The following MYEF2 variants were observed in gnomAD, a reference collection of about 807,000 sequenced individuals.
MYEF2 encodes the protein myelin gene expression factor 2.
In MYEF2, 37 loss-of-function variants were observed where a neutral mutation model predicts 75.2. The ratio of observed to expected loss-of-function variants is 0.49; its 90% CI spans 0.38 to 0.65. The LOEUF is 0.65. MYEF2 is among the 30% of genes least tolerant of loss of function. The pLI, the probability that MYEF2 is intolerant of heterozygous loss-of-function variation, is 0.00. For missense variants in MYEF2, 634 were observed against 771.4 expected (o/e 0.82, Z 2.11); for synonymous variants, 195 against 241.6 (o/e 0.81, Z 1.79).
chr15:48,166,896 A>G (rs1181728902), intron 3 of MYEF2, among the ~76,000 whole-genome samples: 8 of 152,038 alleles, frequency 5.3e-5, no homozygotes, highest in Non-Finnish European at 8.8e-5. Context: ...ATTCATACCA[A>G]TTGGTCAGAG....
At position 48,142,142 on chromosome 15, in the gene MYEF2, G is replaced by A. The variant is rs767486171; in HGVS notation, c.*766C>T. On this transcript the variant is annotated 3_prime_UTR_variant, in exon 17 of 17. Coordinates refer to ENST00000324324, the MANE Select transcript of MYEF2 (RefSeq NM_016132.5). The stretch of plus-strand genomic sequence containing the variant: ...ATTTATAAATGGATCAGCTCCTGCA[G>A]AAGTAAACAGCAGAGGACTAACTTA... 8 of 1,613,752 alleles carry A rather than the reference G, an allele frequency of 5.0e-6. No individual in the cohort carries two copies. In the Admixed American group the frequency reaches 1.0e-4, roughly 20 times the overall value.
Position 48,161,617 on chromosome 15 carries a change from T to C in MYEF2, c.526-1813A>G, listed in dbSNP as rs144499454. 5.3e-4 allele frequency among the ~76,000 whole-genome samples: 80 copies of C among 151,620 alleles called. 2 individuals are homozygous for C. The East Asian group carries it at 0.014, about 26-fold the overall frequency. On this transcript the variant is annotated intron_variant, in intron 5 of 16. Coordinates refer to ENST00000324324, the MANE Select transcript of MYEF2 (RefSeq NM_016132.5). ...AACTCCAGGGTCTCTGAAATATTAC[T>C]GAGGATCTACAATGTGCTGAAACTT...
chr15:48,149,319 C>T lies in MYEF2; in HGVS notation c.1431G>A (p.Leu477=). ...TATCAAAGCTGGAACTCATCCGGTC[C>T]AGTCCCATCCCCATTCCTCCAGTCA... ...NSVTGGMGMG[L]DRMSSSFDRM... The change falls in exon 15 of 17, where the codon CTG becomes CTA. Residue 477 remains leucine (L), a synonymous_variant. Coordinates refer to ENST00000324324, the MANE Select transcript of MYEF2 (RefSeq NM_016132.5). The surrounding 1 kb of genome is among the most constrained non-coding windows in gnomAD (Gnocchi z 4.0). 1 of 1,613,138 alleles carries T rather than the reference C, an allele frequency of 6.2e-7. No individual in the cohort carries two copies. Among genetic ancestry groups the T allele is most frequent in the East Asian group, 2.2e-5 (1 of 44,852 alleles).
chr15:48,147,243 A>G (rs1422823582), intron 16 of MYEF2, among the ~76,000 whole-genome samples: 1 of 151,956 alleles, frequency 6.6e-6, no homozygotes, highest in Non-Finnish European at 1.5e-5. Flanking sequence ...CACTCCAACC[A>G]GAAGCCCACC....
chr15:48,164,999 C>T (rs577195448), intron 5 of MYEF2, among the ~76,000 whole-genome samples: 73 of 152,174 alleles, frequency 4.8e-4, no homozygotes, highest in African/African-American at 1.6e-3. Context: ...CCAAGGTATG[C>T]CTCTATTATC....
Position 48,139,446 on chromosome 15 carries a change from T to G in MYEF2, c.*3462A>C. The stretch of plus-strand genomic sequence containing the variant: ...ATGAAATCAAATTCATAGGATGTCT[T>G]TTTATTATGCTAATAATTTAATCAC... On this transcript the variant is annotated 3_prime_UTR_variant, in exon 17 of 17. Transcript: ENST00000324324. 3.8e-6 allele frequency: 1 copy of G among 264,584 alleles called. No homozygotes were observed. The highest frequency in any genetic ancestry group is 7.2e-6 in the Non-Finnish European group (1 of 138,806). The allele number at this position is 264,584 out of a possible 1,614,324, so 16.4% of individuals were successfully genotyped here.
At chr15:48,160,683 T>C (rs1017311433) in intron 5 of MYEF2, among the ~76,000 whole-genome samples, 1 of 19,408 alleles carries the variant, frequency 5.2e-5, no homozygotes, top group Admixed American at 3.8e-4. Flanking sequence ...TAGGCTAAGA[T>C]GAAGTGTAAA....
intron 2 of MYEF2, among the ~76,000 whole-genome samples, chr15:48,167,958 T>C (rs1281375326): frequency 6.6e-6 from 1 of 152,074 alleles, no homozygotes; most frequent in Non-Finnish European, 1.5e-5. Context: ...AAAAAATTTA[T>C]TAGAAGAGAT....
chr15:48,162,740 G>A (rs1334174387), intron 5 of MYEF2: 1 of 152,058 alleles, frequency 6.6e-6, no homozygotes, highest in African/African-American at 2.4e-5. Flanking sequence ...ATTATTATCT[G>A]TTATGGTGAT....
At position 48,158,089 on chromosome 15, in the gene MYEF2, A is replaced by T. The variant is rs778951437; in HGVS notation, c.922-33T>A. ...CAAGAAAGTTTATAATATGGTTAAC[A>T]TATTACCACAAAGAACTGTAATGTA... is the stretch of plus-strand genomic sequence containing the variant. On this transcript the variant is annotated intron_variant, in intron 8 of 16. Transcript: ENST00000324324. 2.5e-6 allele frequency: 4 copies of T among 1,611,984 alleles called. No individual in the cohort carries two copies. In the Admixed American group the frequency reaches 6.7e-5, roughly 27 times the overall value.
At position 48,141,974 on chromosome 15, in the gene MYEF2, T is replaced by G; in HGVS notation, c.*934A>C. 1 of 1,256,412 alleles carries G rather than the reference T, an allele frequency of 8.0e-7. No homozygotes were observed. The highest frequency in any genetic ancestry group is 1.1e-6 in the Non-Finnish European group (1 of 923,544). 77.8% of individuals were successfully genotyped at this position (1,256,412 alleles called of 1,614,324 possible). A position where few individuals can be genotyped will look rare whatever the true frequency, so the allele number is the denominator to read the frequency against. ...AGTGTTTCTTTTCTTATGAAGATTA[T>G]TAATAAAACACAGTATTGGTAAGCA... On this transcript the variant is annotated 3_prime_UTR_variant, in exon 17 of 17. Coordinates refer to ENST00000324324, the MANE Select transcript of MYEF2 (RefSeq NM_016132.5).
chr15:48,158,329 T>C (rs1183623481), intron 7 of MYEF2, 105 bp from the exon 8 acceptor site: 3 of 986,222 alleles, frequency 3.0e-6, no homozygotes, highest in Non-Finnish European at 4.6e-6. Flanking sequence ...ATATTTTAAT[T>C]AACATCTTTA....
chr15:48,170,926 A>G (rs970973174), intron 1 of MYEF2, among the ~76,000 whole-genome samples: 2 of 152,212 alleles, frequency 1.3e-5, no homozygotes, highest in East Asian at 3.8e-4. Context: ...AGAATAAAGA[A>G]AGAGACATTT....
intron 13 of MYEF2, 63 bp downstream of exon 13, chr15:48,151,410 G>T (rs1261293703): frequency 2.1e-6 from 3 of 1,458,522 alleles, no homozygotes; most frequent in African/African-American, 1.4e-5. Flanking sequence ...CAAAAAAAGA[G>T]AAACCAAATT....
rs530373271 is a variant in MYEF2, at chr15:48,151,930, C to T, written c.1151G>A (p.Gly384Asp). Residue 384 changes from glycine to aspartate, a missense_variant, in exon 12 of 17, where the codon GGT (glycine) becomes GAT (aspartate). Gly to Asp is a moderately conservative substitution (Grantham distance 94). Coordinates refer to ENST00000324324, the MANE Select transcript of MYEF2 (RefSeq NM_016132.5). Reference protein sequence around the residue: ...MNRIGGGIGFGGLEAMNSMGG... With the variant: ...MNRIGGGIGFDGLEAMNSMGG... ...CATGCTATTCATTGCTTCCAGACCA[C>T]CAAACCCTATTCCTATGGAATAAAG... The T allele has an allele frequency of 3.7e-6, 6 of 1,613,532 alleles. No individual in the cohort carries two copies. Among genetic ancestry groups the T allele is most frequent in the Non-Finnish European group, 4.2e-6 (5 of 1,179,560 alleles).
At position 48,149,718 on chromosome 15, in the gene MYEF2, T is replaced by A. The variant is rs768041655; in HGVS notation, c.1379-347A>T. ...ATCCTCTACCAATCACTGCTTCCAA[T>A]AACAGGACAGTTGTTCTGATCCTTA... On this transcript the variant is annotated intron_variant, in intron 14 of 16. Coordinates refer to ENST00000324324, the MANE Select transcript of MYEF2 (RefSeq NM_016132.5). The surrounding 1 kb of genome is among the most constrained non-coding windows in gnomAD (Gnocchi z 4.0). 15 of 160,028 alleles carry A rather than the reference T, an allele frequency of 9.4e-5. No individual in the cohort carries two copies. The highest frequency in any genetic ancestry group is 1.9e-4 in the Non-Finnish European group (14 of 73,464). The allele number at this position is 160,028 out of a possible 1,614,324, so 9.9% of individuals were successfully genotyped here. A position where few individuals can be genotyped will look rare whatever the true frequency, so the allele number is the denominator to read the frequency against.
At chr15:48,170,093 T>C (rs562474360) in intron 1 of MYEF2, among the ~76,000 whole-genome samples, 3 of 152,124 alleles carry the variant, frequency 2.0e-5, no homozygotes, top group African/African-American at 7.2e-5. Context: ...GCACAAACAA[T>C]AGGGTTTTTT....
At chr15:48,165,395 A>G (rs949822341) in intron 5 of MYEF2, among the ~76,000 whole-genome samples, 1 of 152,102 alleles carries the variant, frequency 6.6e-6, no homozygotes, top group African/African-American at 2.4e-5. Context: ...CACTGCTACA[A>G]TTTTGTACAA....
chr15:48,147,403 T>C (rs2039326908), intron 16 of MYEF2, among the ~76,000 whole-genome samples: 1 of 152,004 alleles, frequency 6.6e-6, no homozygotes, highest in Non-Finnish European at 1.5e-5. Flanking sequence ...CTAAGTTTCA[T>C]TTCTACTTTT....
Sources: allele counts gnomAD v4.1 joint callset (sites outside exome capture counted in the v4.1 genomes callset), GRCh38; gene constraint gnomAD v4.1.1; non-coding constraint Gnocchi (gnomAD v3.1); transcripts MANE v1.5; gene names NCBI Gene and HGNC (gene_info 2026-07-23, HGNC 2026-07-21).